Variants in ERG observed in about 807,000 individuals in gnomAD.
The protein encoded by ERG is transcriptional regulator ERG.
In ERG, 9 loss-of-function variants were observed where a neutral mutation model predicts 55.3. That is an observed-to-expected ratio of 0.16 (90% CI 0.10 to 0.28). The LOEUF is 0.28. ERG is among the 10% of genes least tolerant of loss of function. The pLI is 1.00. For missense variants in ERG, 434 were observed against 631.6 expected (o/e 0.69, Z 3.35); for synonymous variants, 223 against 237.3 (o/e 0.94, Z 0.55).
intron 1 of ERG, among the ~76,000 whole-genome samples, chr21:38,465,864 C>T (rs1454003770): frequency 6.6e-6 from 1 of 152,104 alleles, no homozygotes; most frequent in African/African-American, 2.4e-5. Context: ...TGATCCCATC[C>T]CCATCAAAAC....
chr21:38,395,783 C>T (rs1247812695), intron 6 of ERG, among the ~76,000 whole-genome samples: 1 of 152,188 alleles, frequency 6.6e-6, no homozygotes, highest in East Asian at 1.9e-4. Flanking sequence ...ACTCCTCCTC[C>T]ACCACACCCT....
the ERG span, among the ~76,000 whole-genome samples, chr21:38,370,523 T>TA: frequency 3.9e-5 from 6 of 152,260 alleles, no homozygotes; most frequent in African/African-American, 1.2e-4. Context: ...TATTCTCCTG[T>TA]AATACCTTCT....
Position 38,402,679 on chromosome 21 carries a change from AAGAG to A in ERG, c.593-46_593-43del, listed in dbSNP as rs552146814. 1.8e-4 allele frequency: 216 copies of A among 1,173,092 alleles called. 2 individuals carry two copies. In the South Asian group the frequency reaches 2.4e-3, roughly 13 times the overall value. The allele number at this position is 1,173,092 out of a possible 1,614,324, so 72.7% of individuals were successfully genotyped here. ...AAAGCGACATCAAAATGAAAAAAAA[AAGAG>A]AGAGAGAGAAAGAGAATTACCTTTC... On this transcript the variant is annotated intron_variant, in intron 4 of 9. Coordinates refer to ENST00000288319, the MANE Select transcript of ERG (RefSeq NM_182918.4).
intron 2 of ERG, among the ~76,000 whole-genome samples, chr21:38,529,740 C>T (rs1297206375): frequency 1.3e-5 from 2 of 151,924 alleles, no homozygotes; most frequent in East Asian, 2.0e-4. Flanking sequence ...TGAGGCAGGC[C>T]GATCACCTGA....
In ERG at chr21:38,620,696, C is replaced by T. The variant is rs549113158; in HGVS notation, c.-149-35751G>A. Among the ~76,000 whole-genome samples the T allele has an allele frequency of 5.3e-5, 8 of 152,310 alleles. No individual in the cohort carries two copies. In the South Asian group the frequency reaches 8.3e-4, roughly 16 times the overall value. On this transcript the variant is annotated intron_variant, in intron 1 of 10. Transcript: ENST00000398910. The stretch of plus-strand genomic sequence containing the variant: ...GGAGAAAGAAAGATGCAGGCCTAAA[C>T]GTGGACTCTATCATTCACTATTGCC...
At chr21:38,622,469 CATACAT>C (rs1179684116) in intron 1 of ERG, among the ~76,000 whole-genome samples, 2 of 150,082 alleles carry the variant, frequency 1.3e-5, no homozygotes, top group Non-Finnish European at 3.0e-5. Flanking sequence ...ACACCATACA[CATACAT>C]GCCACACACA....
intron 2 of ERG, among the ~76,000 whole-genome samples, chr21:38,556,823 C>G (rs920819250): frequency 1.3e-5 from 2 of 152,158 alleles, no homozygotes; most frequent in African/African-American, 4.8e-5. Context: ...ACCCAGACCC[C>G]CATACTGGAC....
At chr21:38,604,927 G>A (rs2060187741) in intron 1 of ERG, among the ~76,000 whole-genome samples, 1 of 152,188 alleles carries the variant, frequency 6.6e-6, no homozygotes, top group African/African-American at 2.4e-5. Flanking sequence ...ACTTATTATA[G>A]GGCGTATTAT....
intron 2 of ERG, among the ~76,000 whole-genome samples, chr21:38,547,912 CA>C (rs57274512): frequency 6.6e-6 from 1 of 150,806 alleles, no homozygotes. Context: ...GCATAAAATG[CA>C]AAAAAAATTA....
At chr21:38,467,629 A>G (rs1282981501) in intron 1 of ERG, among the ~76,000 whole-genome samples, 1 of 152,184 alleles carries the variant, frequency 6.6e-6, no homozygotes, top group East Asian at 1.9e-4. Context: ...CGCCAGTTTC[A>G]GAGGACTCAG....
chr21:38,516,034 C>T (rs148320211), intron 2 of ERG, among the ~76,000 whole-genome samples: 48 of 151,894 alleles, frequency 3.2e-4, no homozygotes, highest in African/African-American at 1.0e-3. Context: ...TTATACTGAA[C>T]GGGGAAAGGC....
chr21:38,468,893 G>C (rs1888428696), intron 1 of ERG, among the ~76,000 whole-genome samples: 1 of 150,110 alleles, frequency 6.7e-6, no homozygotes, highest in African/African-American at 2.5e-5. Flanking sequence ...GCTGAGGTAG[G>C]AGAATAGCGT....
chr21:38,445,725 A>T (rs2058886040), intron 1 of ERG, 104 bp from the exon 2 acceptor site: 1 of 831,484 alleles, frequency 1.2e-6, no homozygotes, highest in Admixed American at 2.2e-5. Context: ...CACATTTTAG[A>T]TCGTTTTTAT....
intron 1 of ERG, among the ~76,000 whole-genome samples, chr21:38,592,943 C>A (rs13051259): frequency 6.6e-6 from 1 of 151,678 alleles, no homozygotes; most frequent in Non-Finnish European, 1.5e-5. Context: ...CTCCCCAGTG[C>A]GTCTTCCCAT....
At chr21:38,575,073 C>T (rs903637335) in intron 2 of ERG, among the ~76,000 whole-genome samples, 1 of 152,162 alleles carries the variant, frequency 6.6e-6, no homozygotes, top group African/African-American at 2.4e-5. Flanking sequence ...ACCCTCTCAC[C>T]TCCAGAGCCT....
chr21:38,560,455 C>T (rs2836515), intron 2 of ERG, among the ~76,000 whole-genome samples: 69,210 of 152,002 alleles, frequency 0.46, 18,374 homozygotes, highest in Non-Finnish European at 0.61. Context: ...CCCGGGGCCC[C>T]TCCAAAGGCA....
At chr21:38,656,527 C>T (rs1384268517) in intron 1 of ERG, among the ~76,000 whole-genome samples, 2 of 152,278 alleles carry the variant, frequency 1.3e-5, no homozygotes, top group South Asian at 2.1e-4. Context: ...CCCTGCCAGG[C>T]GTGCAGAAAA....
At chr21:38,571,566 G>C (rs1014262730) in intron 2 of ERG, among the ~76,000 whole-genome samples, 3 of 151,696 alleles carry the variant, frequency 2.0e-5, no homozygotes, top group Admixed American at 6.6e-5. Flanking sequence ...AAGGTACCTG[G>C]AACGGCCTGC....
intron 1 of ERG, among the ~76,000 whole-genome samples, chr21:38,608,825 T>C (rs1468461803): frequency 1.3e-5 from 2 of 152,148 alleles, no homozygotes; most frequent in Non-Finnish European, 2.9e-5. Context: ...CCATCCCCCA[T>C]GTCTTGGGAG....
Sources: gnomAD v4.1 joint callset for allele counts (sites outside exome capture counted in the v4.1 genomes callset) on GRCh38, gnomAD v4.1.1 for gene constraint, MANE v1.5 for transcripts, NCBI Gene and HGNC (gene_info 2026-07-23, HGNC 2026-07-21) for gene names.